DNAH2: variants seen among roughly 807,000 people sequenced by gnomAD.
DNAH2 encodes the protein axonemal beta dynein heavy chain 2.
A neutral mutation model predicts 523.5 loss-of-function variants in DNAH2; 323 were observed. The ratio of observed to expected loss-of-function variants is 0.62; its 90% CI spans 0.56 to 0.68. The LOEUF (loss-of-function observed/expected upper bound fraction) is 0.68. Ranked by LOEUF, DNAH2 falls within the 30% of genes least tolerant of loss-of-function variation. The pLI, the probability that DNAH2 is intolerant of heterozygous loss-of-function variation, is 0.00. For missense variants in DNAH2, 4,907 were observed against 5,701.5 expected (o/e 0.86, Z 4.49); for synonymous variants, 2,093 against 2,177.4 (o/e 0.96, Z 1.08).
intron 7 of DNAH2, among the ~76,000 whole-genome samples, chr17:7,735,541 G>T (rs1452285818): frequency 6.7e-6 from 1 of 149,028 alleles, no homozygotes; most frequent in Admixed American, 6.7e-5. Flanking sequence ...TGGGCTCAAG[G>T]GATCCTCCCA....
At chr17:7,726,523 G>A (rs1019573192) in intron 3 of DNAH2, among the ~76,000 whole-genome samples, 4 of 151,862 alleles carry the variant, frequency 2.6e-5, no homozygotes, top group East Asian at 3.9e-4. Flanking sequence ...GGCTGGTCTC[G>A]AACTCCCGAC....
Position 7,741,035 on chromosome 17 carries a change from G to A in DNAH2, c.1689+43G>A. ...TCCATATTCTGTCGTCAGTGAGACC[G>A]CCAGGAGGGATGGGGGATGGCTCCT... On this transcript the variant is annotated intron_variant, in intron 11 of 85. Transcript: ENST00000572933. 3 of 1,561,574 alleles carry A rather than the reference G, an allele frequency of 1.9e-6. No individual in the cohort carries two copies. The South Asian group carries it at 3.5e-5, about 18-fold the overall frequency.
At position 7,781,081 on chromosome 17, in the gene DNAH2, C is replaced by G; in HGVS notation, c.6043C>G (p.Leu2015Val). 1 of 1,614,252 alleles carries G rather than the reference C, an allele frequency of 6.2e-7. No individual in the cohort carries two copies. Among genetic ancestry groups the G allele is most frequent in the Non-Finnish European group, 8.5e-7 (1 of 1,180,048 alleles). Residue 2015 changes from leucine (L) to valine (V), a missense_variant, in exon 39 of 86, where the codon CTC (leucine) becomes GTC (valine). Leu to Val is a conservative substitution (Grantham distance 32, BLOSUM62 1). Coordinates refer to ENST00000572933, the MANE Select transcript of DNAH2 (RefSeq NM_020877.5). The stretch of plus-strand genomic sequence containing the variant: ...AATGAGAGATATGAACATCGCCAAG[C>G]TCACTTCAGTTGATGCACCCCTGTT... ...LSMRDMNIAK[L>V]TSVDAPLFNA...
chr17:7,741,134 G>T, intron 11 of DNAH2, 142 bp downstream of exon 11: 1 of 1,028,134 alleles, frequency 9.7e-7, no homozygotes, highest in South Asian at 2.1e-5. Context: ...GTTCAGTGAG[G>T]TCAGTCGTGG....
Position 7,821,445 on chromosome 17 carries a change from A to T in DNAH2, c.11142+76A>T, listed in dbSNP as rs921571208. 5 of 1,515,592 alleles carry T rather than the reference A, an allele frequency of 3.3e-6. No individual in the cohort carries two copies. The Admixed American group carries it at 8.1e-5, about 25-fold the overall frequency. 93.9% of individuals were successfully genotyped at this position (1,515,592 alleles called of 1,614,324 possible). A position where few individuals can be genotyped will look rare whatever the true frequency, so the allele number is the denominator to read the frequency against. On this transcript the variant is annotated intron_variant, in intron 73 of 85. Transcript: ENST00000572933. The surrounding 1 kb of genome is among the most constrained non-coding windows in gnomAD (Gnocchi z 5.0). ...TGAGGGCAAGTGTGACAAGGACTCC[A>T]GACCCAGAGGGTCAGGCCCACAGCA...
At position 7,778,301 on chromosome 17, in the gene DNAH2, G is replaced by A. The variant is rs138983066; in HGVS notation, c.5373G>A (p.Thr1791=). 1.3e-5 allele frequency: 21 copies of A among 1,614,076 alleles called. No individual in the cohort carries two copies. Among genetic ancestry groups the A allele is most frequent in the East Asian group, 6.7e-5 (3 of 44,902 alleles). Residue 1791 remains threonine (T), a synonymous_variant, in exon 35 of 86, where the codon ACG becomes ACA. Transcript: ENST00000572933. ...TCAGGTGTTACATGACACTGACCAC[G>A]GCATTGCACCTGCACCGAGGGGGCT... is the stretch of plus-strand genomic sequence containing the variant. ...LTDRCYMTLT[T]ALHLHRGGSP...
chr17:7,823,769 T>C, intron 74 of DNAH2, 65 bp from the exon 75 acceptor site: 1 of 1,591,152 alleles, frequency 6.3e-7, no homozygotes, highest in Non-Finnish European at 8.6e-7. Flanking sequence ...AGGTGCCCCT[T>C]TGTCTGGATT....
rs143916286 is a variant in DNAH2 at position 7,734,506 on chromosome 17, T to C, written c.776T>C (p.Met259Thr). The C allele has an allele frequency of 3.8e-5, 62 of 1,613,728 alleles. No individual in the cohort carries two copies. Among genetic ancestry groups the C allele is most frequent in the Non-Finnish European group, 5.0e-5 (59 of 1,180,006 alleles). Residue 259 changes from methionine (M) to threonine (T), a missense_variant, in exon 7 of 86, where the codon ATG becomes ACG. Coordinates refer to ENST00000572933, the MANE Select transcript of DNAH2 (RefSeq NM_020877.5). ...CACTGGACCCGGCAGATAAAGGAGA[T>C]GCTCAGTGCCCAGGAGACTGTGGAG... ...MIHWTRQIKE[M>T]LSAQETVETG... is the part of the protein sequence containing the mutation.
chr17:7,734,465 T>C lies in DNAH2; in HGVS notation c.740-5T>C, dbSNP rs549386992. 6.2e-7 allele frequency: 1 copy of C among 1,613,768 alleles called. No homozygotes were observed. The highest frequency in any genetic ancestry group is 2.2e-5 in the East Asian group (1 of 44,868). On this transcript the variant is annotated splice_region_variant and splice_polypyrimidine_tract_variant and intron_variant, in intron 6 of 85. Coordinates refer to ENST00000572933, the MANE Select transcript of DNAH2 (RefSeq NM_020877.5). ...ACGAAGGAGATTTTGTACTCTCCCC[T>C]GCAGCCTCCATGATCCACTGGACCC...
chr17:7,759,210 T>C, intron 15 of DNAH2, 86 bp downstream of exon 15: 1 of 1,563,720 alleles, frequency 6.4e-7, no homozygotes, highest in South Asian at 1.2e-5. Flanking sequence ...CCCCGACCCT[T>C]TTTTCTTTTT....
In DNAH2 at chr17:7,831,624, C is replaced by A; in HGVS notation, c.12612-37C>A. 6.2e-6 allele frequency: 10 copies of A among 1,613,032 alleles called. No homozygotes were observed. Among genetic ancestry groups the A allele is most frequent in the Non-Finnish European group, 6.8e-6 (8 of 1,179,160 alleles). ...TCTGGCTAGAATGACGTTCCCAGGC[C>A]CACCTCATCTCTAACACTCCACCTC... On this transcript the variant is annotated intron_variant, in intron 81 of 85. Coordinates refer to ENST00000572933, the MANE Select transcript of DNAH2 (RefSeq NM_020877.5). The surrounding 1 kb of genome is among the most constrained non-coding windows in gnomAD (Gnocchi z 4.2).
At chr17:7,752,423 T>C (rs557538325) in intron 12 of DNAH2, among the ~76,000 whole-genome samples, 18 of 152,244 alleles carry the variant, frequency 1.2e-4, no homozygotes, top group African/African-American at 3.6e-4. Context: ...AAAACTTGTA[T>C]GTTCAGGCCG....
Position 7,830,630 on chromosome 17 carries a change from T to C in DNAH2, c.12046-28T>C, listed in dbSNP as rs201528169. The C allele has an allele frequency of 9.9e-6, 16 of 1,612,206 alleles. 1 individual carries two copies. The Admixed American group carries it at 2.3e-4, about 24-fold the overall frequency. ...AGATTTCCTGCCATAACTCTGGGAA[T>C]GGGGGCTTGGGCTGGGATCATGCCT... On this transcript the variant is annotated intron_variant, in intron 78 of 85. Transcript: ENST00000572933.
rs185102471 is a variant in DNAH2 at position 7,760,561 on chromosome 17, C to T, written c.2786-179C>T. 1.3e-3 allele frequency among the ~76,000 whole-genome samples: 199 copies of T among 152,242 alleles called. No individual in the cohort carries two copies. The highest frequency in any genetic ancestry group is 2.7e-3 in the South Asian group (13 of 4,824). ...AAGACATCACATCCTATGAAGGAGA[C>T]ACTAAGAGTCACATTTTCACTTTCT... On this transcript the variant is annotated intron_variant, in intron 17 of 85. Coordinates refer to ENST00000572933, the MANE Select transcript of DNAH2 (RefSeq NM_020877.5). The surrounding 1 kb of genome is among the most constrained non-coding windows in gnomAD (Gnocchi z 4.0).
chr17:7,747,484 T>C (rs2075550461), intron 12 of DNAH2, among the ~76,000 whole-genome samples: 1 of 152,286 alleles, frequency 6.6e-6, no homozygotes, highest in African/African-American at 2.4e-5. Context: ...CAACTGTGAT[T>C]CCCGCACTTT....
chr17:7,734,556 G>T lies in DNAH2; in HGVS notation c.826G>T (p.Glu276Ter), dbSNP rs759859626. 9 of 1,613,794 alleles carry T rather than the reference G, an allele frequency of 5.6e-6. No homozygotes were observed. The highest frequency in any genetic ancestry group is 2.5e-6 in the Non-Finnish European group (3 of 1,179,982). The part of the protein sequence containing the change: ...VETGENLGPL[E>*]EIEFWRNRCM... The stretch of plus-strand genomic sequence containing the variant: ...GACAGGAGAAAATTTAGGTCCTCTG[G>T]AGGAGATTGAGTTCTGGCGCAACCG... The change falls in exon 7 of 86, where the codon GAG becomes TAG. Residue 276 changes from glutamate to a stop codon, truncating the protein, a stop_gained. Transcript: ENST00000572933. LOFTEE classifies it high-confidence loss of function.
Position 7,739,819 on chromosome 17 carries a change from G to A in DNAH2, c.1257G>A (p.Gln419=). ...LPCFFGAQGP[Q]ITRNLLEIED... is the part of the protein sequence containing the mutation. The stretch of plus-strand genomic sequence containing the variant: ...GCTTCTTTGGTGCCCAGGGGCCACA[G>A]ATAACACGGAACTTGCTGGAGATTG... The change falls in exon 9 of 86, where the codon CAG becomes CAA. Residue 419 remains glutamine (Q), a synonymous_variant. Transcript: ENST00000572933. 6.2e-7 allele frequency: 1 copy of A among 1,614,052 alleles called. No homozygotes were observed. Among genetic ancestry groups the A allele is most frequent in the Non-Finnish European group, 8.5e-7 (1 of 1,180,012 alleles).
intron 72 of DNAH2, among the ~76,000 whole-genome samples, chr17:7,820,811 G>A (rs117973266): frequency 0.021 from 3,171 of 152,208 alleles, 47 homozygotes; most frequent in Middle Eastern, 0.037. Flanking sequence ...AAGCTGAGAC[G>A]GGTGGATCAC....
intron 63 of DNAH2, among the ~76,000 whole-genome samples, chr17:7,808,137 G>A (rs559475501): frequency 1.3e-5 from 2 of 152,284 alleles, no homozygotes; most frequent in South Asian, 2.1e-4. Context: ...TTGGGAGGCC[G>A]AGGTAGGTGG....
Sources: gnomAD v4.1 joint callset for allele counts (sites outside exome capture counted in the v4.1 genomes callset) on GRCh38, gnomAD v4.1.1 for gene constraint, Gnocchi (gnomAD v3.1) non-coding constraint, MANE v1.5 for transcripts, NCBI Gene and HGNC (gene_info 2026-07-23, HGNC 2026-07-21) for gene names.